ARHGEF33: variants seen among roughly 807,000 people sequenced by gnomAD.
The protein encoded by ARHGEF33 is DH and coiled-coil domain-containing protein ENSP00000381780.
A neutral mutation model predicts 101.9 loss-of-function variants in ARHGEF33; 72 were observed. That is an observed-to-expected ratio of 0.71 (90% CI 0.58 to 0.86). The LOEUF is 0.86. ARHGEF33 is among the 40% of genes least tolerant of loss of function. The pLI, the probability that ARHGEF33 is intolerant of heterozygous loss-of-function variation, is 0.00. For synonymous variants in ARHGEF33, 499 were observed against 442.5 expected, an observed-to-expected ratio of 1.13 and a Z score of -1.60; for missense variants, 1,169 against 1,111.3, an observed-to-expected ratio of 1.05 and a Z score of -0.74.
intron 1 of ARHGEF33, among the ~76,000 whole-genome samples, chr2:38,893,089 C>G (rs951242229): frequency 2.0e-5 from 3 of 152,152 alleles, no homozygotes; most frequent in Non-Finnish European, 2.9e-5. Context: ...TCACCTTCTA[C>G]TCTACCTTCT....
chr2:38,943,454 G>C (rs950840883), intron 9 of ARHGEF33, among the ~76,000 whole-genome samples: 14 of 152,172 alleles, frequency 9.2e-5, no homozygotes, highest in Admixed American at 7.9e-4. Context: ...TATGTCTAAA[G>C]TCTTTAGCCC....
chr2:38,898,821 CTG>C (rs1251936362), intron 2 of ARHGEF33, among the ~76,000 whole-genome samples: 1 of 152,142 alleles, frequency 6.6e-6, no homozygotes, highest in East Asian at 1.9e-4. Context: ...GAAGAGTAAA[CTG>C]TGCATGTATT....
chr2:38,944,894 TGTGTGTGC>T (rs1187715598), intron 10 of ARHGEF33, among the ~76,000 whole-genome samples: 1 of 151,750 alleles, frequency 6.6e-6, no homozygotes, highest in Non-Finnish European at 1.5e-5. Flanking sequence ...TGTGTGTGTG[TGTGTGTGC>T]GCGCTCATAG....
chr2:38,958,768 G>A (rs1171026897), intron 15 of ARHGEF33, among the ~76,000 whole-genome samples: 3 of 151,966 alleles, frequency 2.0e-5, no homozygotes, highest in Non-Finnish European at 4.4e-5. Flanking sequence ...TGCAACCTCC[G>A]CCTCCCAGGT....
Position 38,954,463 on chromosome 2 carries a change from A to G in ARHGEF33, c.1221+7A>G. 1 of 1,541,936 alleles carries G rather than the reference A, an allele frequency of 6.5e-7. No individual in the cohort carries two copies. Among genetic ancestry groups the G allele is most frequent in the East Asian group, 2.4e-5 (1 of 40,892 alleles). On this transcript the variant is annotated splice_region_variant and intron_variant, in intron 13 of 17. Coordinates refer to ENST00000409978, the MANE Select transcript of ARHGEF33 (RefSeq NM_001145451.5). ...ATATCTGATACATCTGCAGGTAGGC[A>G]TGGGTGGGAAAGCCACCAAACTGAT...
chr2:38,951,545 T>C (rs1188533300), intron 11 of ARHGEF33, among the ~76,000 whole-genome samples: 7 of 152,074 alleles, frequency 4.6e-5, no homozygotes, highest in Non-Finnish European at 7.3e-5. Flanking sequence ...AGCAGGAGAA[T>C]TGTTTGAACC....
intron 12 of ARHGEF33, among the ~76,000 whole-genome samples, chr2:38,953,810 T>G (rs1377304858): frequency 2.6e-5 from 4 of 152,228 alleles, no homozygotes; most frequent in Admixed American, 6.5e-5. Context: ...TTACTAAGTT[T>G]CTACTTCAAC....
intron 2 of ARHGEF33, among the ~76,000 whole-genome samples, chr2:38,912,348 A>C (rs775810483): frequency 6.6e-6 from 1 of 152,242 alleles, no homozygotes; most frequent in Non-Finnish European, 1.5e-5. Flanking sequence ...GATTCCCAGT[A>C]CAAAATGAAG....
chr2:38,926,495 C>T (rs927877238), intron 4 of ARHGEF33, among the ~76,000 whole-genome samples: 200 of 152,266 alleles, frequency 1.3e-3, no homozygotes, highest in African/African-American at 4.7e-3. Flanking sequence ...CTGATGGCTT[C>T]CCCTCCCGGG....
chr2:38,960,239 C>A lies in ARHGEF33; in HGVS notation c.1934C>A (p.Pro645His). 6.5e-7 allele frequency: 1 copy of A among 1,548,028 alleles called. No homozygotes were observed. The highest frequency in any genetic ancestry group is 8.7e-7 in the Non-Finnish European group (1 of 1,146,008). The change falls in exon 16 of 18, where the codon CCT becomes CAT. Residue 645 changes from proline to histidine, a missense_variant. Coordinates refer to ENST00000409978, the MANE Select transcript of ARHGEF33 (RefSeq NM_001145451.5). ...CCGGCCCTCTTCGAGAACTGCTCGC[C>A]TGCCTCCTCCGAGTCCAGCCTGGAC... ...QAPALFENCS[P>H]ASSESSLDIC...
At chr2:38,966,175 T>G in intron 17 of ARHGEF33, 30 bp downstream of exon 17, 1 of 1,545,216 alleles carries the variant, frequency 6.5e-7, no homozygotes, top group Non-Finnish European at 8.7e-7. Context: ...GACAGCATTG[T>G]AACTCATTTC....
chr2:38,950,940 T>C, intron 10 of ARHGEF33, 49 bp from the exon 11 acceptor site: 1 of 1,532,308 alleles, frequency 6.5e-7, no homozygotes. Flanking sequence ...GTAGGGTCCT[T>C]TCTTCTCTAC....
chr2:38,964,565 C>T (rs1368498257), intron 16 of ARHGEF33, among the ~76,000 whole-genome samples: 1 of 150,894 alleles, frequency 6.6e-6, no homozygotes, highest in Non-Finnish European at 1.5e-5. Context: ...CATCCTAGAT[C>T]CCTTGCATGT....
chr2:38,962,124 T>G (rs1381962860), intron 16 of ARHGEF33, among the ~76,000 whole-genome samples: 1 of 152,220 alleles, frequency 6.6e-6, no homozygotes, highest in Admixed American at 6.5e-5. Context: ...CAGATTTTCC[T>G]CTAGCTCTGA....
At chr2:38,902,134 G>GAAAAAAAAAAAAAAAAA (rs1156887244) in intron 2 of ARHGEF33, among the ~76,000 whole-genome samples, 1 of 58,474 alleles carries the variant, frequency 1.7e-5, no homozygotes, top group Non-Finnish European at 3.6e-5. Flanking sequence ...TCCATCTCAA[G>GAAAAAAAAAAAAAAAAA]AAAAAAAAAA....
At chr2:38,918,804 G>A (rs1471542647) in intron 2 of ARHGEF33, among the ~76,000 whole-genome samples, 1 of 151,220 alleles carries the variant, frequency 6.6e-6, no homozygotes, top group South Asian at 2.1e-4. Flanking sequence ...ACTTTGGGAG[G>A]CCGAGGTTGG....
chr2:38,961,355 A>G (rs949882090), intron 16 of ARHGEF33, among the ~76,000 whole-genome samples: 4 of 151,204 alleles, frequency 2.6e-5, no homozygotes, highest in African/African-American at 9.8e-5. Flanking sequence ...CTGATGGCCA[A>G]CCCCTGTGTC....
chr2:38,969,971 AATGTT>A (rs1279978707), intron 17 of ARHGEF33, among the ~76,000 whole-genome samples: 1 of 152,198 alleles, frequency 6.6e-6, no homozygotes, highest in African/African-American at 2.4e-5. Context: ...TGCAACACTT[AATGTT>A]AACGCGTATT....
Position 38,960,522 on chromosome 2 carries a change from G to A in ARHGEF33, c.2217G>A (p.Lys739=). The part of the protein sequence containing the change: ...RSSSGGRAPI[K]AERAAQAHGP... ...GCAGCGGCGGCCGCGCGCCCATCAA[G>A]GCCGAGCGCGCCGCGCAGGCGCACG... Residue 739 remains lysine (K), a synonymous_variant, in exon 16 of 18, where the codon AAG becomes AAA. Transcript: ENST00000409978. The A allele has an allele frequency of 1.6e-6, 2 of 1,272,006 alleles. No individual in the cohort carries two copies. The highest frequency in any genetic ancestry group is 1.6e-5 in the African/African-American group (1 of 63,738). The allele number at this position is 1,272,006 out of a possible 1,614,324, so 78.8% of individuals were successfully genotyped here.
Sources: allele counts gnomAD v4.1 joint callset (sites outside exome capture counted in the v4.1 genomes callset), GRCh38; gene constraint gnomAD v4.1.1; transcripts MANE v1.5; gene names NCBI Gene and HGNC (gene_info 2026-07-23, HGNC 2026-07-21).